KLF8: variants seen among roughly 807,000 people sequenced by gnomAD.
The protein encoded by KLF8 is Krueppel-like factor 8.
Under a neutral mutation model 18.2 loss-of-function variants are expected in KLF8, and 10 were observed. The observed-to-expected ratio is 0.55, with a 90% CI of 0.34 to 0.93. KLF8 has a LOEUF of 0.93. KLF8 is among the 40% of genes least tolerant of loss of function. KLF8 has a pLI of 0.02. For missense variants in KLF8, 264 were observed against 277.9 expected (o/e 0.95, Z 0.36); for synonymous variants, 109 against 97.3 (o/e 1.12, Z -0.71).
At chrX:56,172,661 G>A in the KLF8 span, among the ~76,000 whole-genome samples, 2 of 111,959 alleles carry the variant, frequency 1.8e-5, no homozygotes, top group South Asian at 3.7e-4. Context: ...TCTAGTTCTA[G>A]ATCCCTGAGG....
chrX:56,185,835 G>T, the KLF8 span, among the ~76,000 whole-genome samples: 1 of 111,397 alleles, frequency 9.0e-6, no homozygotes, highest in African/African-American at 3.3e-5. Context: ...GAGAGATTTT[G>T]TCACCACCAG....
the KLF8 span, among the ~76,000 whole-genome samples, chrX:56,141,779 A>G: frequency 9.8e-5 from 11 of 111,934 alleles, no homozygotes; most frequent in South Asian, 3.7e-3. Flanking sequence ...TCCTTAATAA[A>G]TAATATATGG....
chrX:56,049,826 A>G, the KLF8 span, among the ~76,000 whole-genome samples: 1 of 109,640 alleles, frequency 9.1e-6, no homozygotes, highest in East Asian at 2.8e-4. Flanking sequence ...TGATTGGAAT[A>G]GCTTCAGAAG....
rs1555939511 is a variant in KLF8 at position 56,284,478 on chromosome X, G to A, written c.1064G>A (p.Arg355His). ...GACCACCTGTCCCTGCATCGCCGTC[G>A]CCATGACACCATGTGAGCCGCACAG... is the stretch of plus-strand genomic sequence containing the variant. ...RSDHLSLHRR[R>H]HDTM Residue 355 changes from arginine to histidine, a missense_variant, in exon 6 of 6, where the codon CGC (arginine) becomes CAC (histidine). This residue lies in a region of KLF8 where 43 missense variants were observed against 84.3 expected (regional missense o/e 0.51). Coordinates refer to ENST00000468660, the MANE Select transcript of KLF8 (RefSeq NM_007250.5). The A allele has an allele frequency of 1.7e-6, 2 of 1,194,642 alleles. No homozygotes were observed. Among genetic ancestry groups the A allele is most frequent in the Admixed American group, 2.3e-5 (1 of 43,824 alleles).
At chrX:56,036,938 T>C in the KLF8 span, among the ~76,000 whole-genome samples, 1 of 110,563 alleles carries the variant, frequency 9.0e-6, no homozygotes, top group Non-Finnish European at 1.9e-5. Flanking sequence ...CAAATGTGAC[T>C]GCCTTCTTGA....
At chrX:56,058,269 C>CGT in the KLF8 span, among the ~76,000 whole-genome samples, 172 of 15,931 alleles carry the variant, frequency 0.011, 3 homozygotes, top group African/African-American at 0.03. Flanking sequence ...CATATATATA[C>CGT]ATATATATAC....
chrX:55,958,080 T>C, the KLF8 span, among the ~76,000 whole-genome samples: 1 of 112,189 alleles, frequency 8.9e-6, no homozygotes, highest in African/African-American at 3.2e-5. Context: ...TGACACTTAC[T>C]CCTTTGACTG....
chrX:56,194,104 T>C, the KLF8 span, among the ~76,000 whole-genome samples: 2 of 110,660 alleles, frequency 1.8e-5, no homozygotes, highest in Admixed American at 1.9e-4. Flanking sequence ...TGTTCCAAGA[T>C]GGCCAAATAG....
the KLF8 span, among the ~76,000 whole-genome samples, chrX:56,181,859 G>T: frequency 9.2e-4 from 100 of 108,441 alleles, no homozygotes; most frequent in African/African-American, 3.4e-3. Context: ...TCCCTTTGTG[G>T]TTGACCTGAC....
the KLF8 span, among the ~76,000 whole-genome samples, chrX:56,093,650 A>G: frequency 9.0e-6 from 1 of 111,042 alleles, no homozygotes; most frequent in African/African-American, 3.2e-5. Flanking sequence ...AAATACTTAT[A>G]TATTTTTATT....
At chrX:56,166,779 G>T in the KLF8 span, among the ~76,000 whole-genome samples, 1 of 111,744 alleles carries the variant, frequency 8.9e-6, no homozygotes, top group East Asian at 2.8e-4. Context: ...ACAGCAGTAG[G>T]TGTTTCCTAG....
chrX:55,971,725 A>G, the KLF8 span, among the ~76,000 whole-genome samples: 1 of 111,052 alleles, frequency 9.0e-6, no homozygotes, highest in Non-Finnish European at 1.9e-5. Flanking sequence ...AAAATCTAAT[A>G]ATCTGATCAA....
the KLF8 span, among the ~76,000 whole-genome samples, chrX:56,221,977 G>A: frequency 5.4e-5 from 6 of 111,107 alleles, no homozygotes; most frequent in Non-Finnish European, 1.1e-4. Context: ...GTTTTGACAG[G>A]GTGCTGATTG....
chrX:55,995,425 A>G, the KLF8 span, among the ~76,000 whole-genome samples: 1 of 112,098 alleles, frequency 8.9e-6, no homozygotes, highest in East Asian at 2.8e-4. Context: ...TCCTGTCTTC[A>G]TGTTAGCTCA....
the KLF8 span, among the ~76,000 whole-genome samples, chrX:56,056,340 A>G: frequency 9.3e-3 from 1,028 of 110,236 alleles, 37 homozygotes; most frequent in Admixed American, 0.079. Context: ...TAGGGGAACA[A>G]CACTCTACTT....
chrX:56,199,563 T>C, the KLF8 span, among the ~76,000 whole-genome samples: 2 of 111,483 alleles, frequency 1.8e-5, no homozygotes, highest in African/African-American at 6.5e-5. Context: ...ATGGCAATCA[T>C]TAAAAAGTCA....
intron 1 of KLF8, among the ~76,000 whole-genome samples, chrX:56,244,509 G>A (rs1437467068): frequency 8.9e-6 from 1 of 111,945 alleles, no homozygotes; most frequent in Non-Finnish European, 1.9e-5. Flanking sequence ...TTTTTAAAAT[G>A]AGGAAATAAT....
chrX:55,948,424 G>C, the KLF8 span, among the ~76,000 whole-genome samples: 4 of 111,909 alleles, frequency 3.6e-5, no homozygotes, highest in African/African-American at 1.3e-4. Context: ...GCCCACTCCT[G>C]TTGTAGAAGA....
At chrX:55,921,022 A>C in the KLF8 span, among the ~76,000 whole-genome samples, 2 of 112,283 alleles carry the variant, frequency 1.8e-5, no homozygotes, top group African/African-American at 6.5e-5. Context: ...CAAAAGCAAA[A>C]ATTGAGAAAT....
Sources: gnomAD v4.1 joint callset for allele counts (sites outside exome capture counted in the v4.1 genomes callset) on GRCh38, gnomAD v4.1.1 for gene constraint, gnomAD v4.1.1 regional missense constraint, MANE v1.5 for transcripts, NCBI Gene and HGNC (gene_info 2026-07-23, HGNC 2026-07-21) for gene names.